LYPLAL1: variants seen among roughly 807,000 people sequenced by gnomAD.
The protein encoded by LYPLAL1 is lysophospholipase like 1, also known as lysophospholipase-like protein 1.
In LYPLAL1, 23 loss-of-function variants were observed where a neutral mutation model predicts 19.7. The ratio of observed to expected loss-of-function variants is 1.17; its 90% CI spans 0.84 to 1.65. The LOEUF (loss-of-function observed/expected upper bound fraction) is 1.65. LYPLAL1 is among the 40% of genes most tolerant of loss of function. The pLI, the probability that LYPLAL1 is intolerant of heterozygous loss-of-function variation, is 0.00. For missense variants in LYPLAL1, 355 were observed against 279.4 expected (o/e 1.27, Z -1.93); for synonymous variants, 119 against 96.3 (o/e 1.24, Z -1.38).
chr1:219,232,701 C>A, the LYPLAL1 span, among the ~76,000 whole-genome samples: 1 of 152,004 alleles, frequency 6.6e-6, no homozygotes, highest in Non-Finnish European at 1.5e-5. Flanking sequence ...AAACAAATAA[C>A]CCAGTTAAAC....
At chr1:219,231,751 C>G in the LYPLAL1 span, among the ~76,000 whole-genome samples, 2 of 152,166 alleles carry the variant, frequency 1.3e-5, no homozygotes, top group Non-Finnish European at 2.9e-5. Context: ...CCCTGTAGAC[C>G]GTCTGCCATG....
the LYPLAL1 span, among the ~76,000 whole-genome samples, chr1:219,283,504 T>C: frequency 1.2e-4 from 19 of 152,158 alleles, no homozygotes; most frequent in African/African-American, 4.6e-4. Flanking sequence ...AGTGGAAAAA[T>C]CTATTTTTCC....
chr1:219,193,143 A>T lies in LYPLAL1; in HGVS notation c.253A>T (p.Asn85Tyr). 1 of 1,610,172 alleles carries T rather than the reference A, an allele frequency of 6.2e-7. No homozygotes were observed. Among genetic ancestry groups the T allele is most frequent in the Non-Finnish European group, 8.5e-7 (1 of 1,177,552 alleles). The stretch of plus-strand genomic sequence containing the variant: ...ATGGTTTGACAGATTTAAAATAACC[A>T]ATGACTGCCCAGAACACCTTGAATC... ...NVWFDRFKIT[N>Y]DCPEHLESID... Residue 85 changes from asparagine to tyrosine, a missense_variant, in exon 3 of 5, where the codon AAT becomes TAT. Coordinates refer to ENST00000366928, the MANE Select transcript of LYPLAL1 (RefSeq NM_138794.5).
the LYPLAL1 span, among the ~76,000 whole-genome samples, chr1:219,282,508 C>CAAAA: frequency 0.011 from 1,558 of 138,276 alleles, 27 homozygotes; most frequent in African/African-American, 0.04. Context: ...CAATGAATGA[C>CAAAA]AAAAAAAAAA....
intron 3 of LYPLAL1, chr1:219,200,438 C>A: frequency 6.0e-6 from 1 of 166,730 alleles, no homozygotes. Flanking sequence ...AGTTCATCAA[C>A]TGGCATTCCA....
At chr1:219,403,960 T>C in the LYPLAL1 span, among the ~76,000 whole-genome samples, 1 of 152,150 alleles carries the variant, frequency 6.6e-6, no homozygotes, top group Non-Finnish European at 1.5e-5. Flanking sequence ...GTTCTAAGGA[T>C]AGAAGTTCAA....
the LYPLAL1 span, among the ~76,000 whole-genome samples, chr1:219,292,545 A>G: frequency 7.9e-5 from 12 of 152,170 alleles, no homozygotes; most frequent in Admixed American, 3.9e-4. Context: ...CTTCTGTCAG[A>G]GTCCCAAACC....
the LYPLAL1 span, among the ~76,000 whole-genome samples, chr1:219,245,534 A>T: frequency 6.6e-6 from 1 of 152,184 alleles, no homozygotes; most frequent in South Asian, 2.1e-4. Flanking sequence ...GTGAACTTAC[A>T]TTTAACTGCA....
chr1:219,310,532 G>C, the LYPLAL1 span, among the ~76,000 whole-genome samples: 3 of 152,124 alleles, frequency 2.0e-5, no homozygotes, highest in African/African-American at 7.2e-5. Context: ...AAATGGGAAC[G>C]CTTTGAGGAT....
chr1:219,233,651 C>T, the LYPLAL1 span, among the ~76,000 whole-genome samples: 2 of 151,874 alleles, frequency 1.3e-5, no homozygotes, highest in African/African-American at 4.8e-5. Flanking sequence ...AGCCTGTAGT[C>T]CCAGCTAGTT....
At chr1:219,410,898 C>T in the LYPLAL1 span, among the ~76,000 whole-genome samples, 2 of 152,246 alleles carry the variant, frequency 1.3e-5, no homozygotes, top group East Asian at 1.9e-4. Flanking sequence ...CGGGGCAGGG[C>T]TCGGGACCTG....
chr1:219,281,160 A>G, the LYPLAL1 span, among the ~76,000 whole-genome samples: 44 of 152,338 alleles, frequency 2.9e-4, no homozygotes, highest in East Asian at 7.7e-3. Context: ...CCTGATTAGG[A>G]TGGGCTTGGC....
the LYPLAL1 span, among the ~76,000 whole-genome samples, chr1:219,251,632 C>G: frequency 1.4e-3 from 219 of 151,710 alleles, no homozygotes; most frequent in Non-Finnish European, 2.6e-3. Context: ...GTTTCATTGG[C>G]CTGTGTGCCT....
At chr1:219,269,008 T>C in the LYPLAL1 span, among the ~76,000 whole-genome samples, 3 of 152,244 alleles carry the variant, frequency 2.0e-5, no homozygotes, top group African/African-American at 7.2e-5. Flanking sequence ...CTGTGGCTGA[T>C]TGTCAAAGGT....
chr1:219,225,103 A>G, the LYPLAL1 span, among the ~76,000 whole-genome samples: 25 of 151,978 alleles, frequency 1.6e-4, no homozygotes, highest in Non-Finnish European at 3.2e-4. Flanking sequence ...TGCTATTTCT[A>G]TGGCTTCAGA....
chr1:219,292,393 TG>T, the LYPLAL1 span, among the ~76,000 whole-genome samples: 1 of 152,210 alleles, frequency 6.6e-6, no homozygotes, highest in Non-Finnish European at 1.5e-5. Context: ...AAATAGGAAT[TG>T]CTGAGTCCTG....
intron 2 of LYPLAL1, among the ~76,000 whole-genome samples, chr1:219,182,630 C>A (rs1656387969): frequency 6.6e-6 from 1 of 152,054 alleles, no homozygotes; most frequent in South Asian, 2.1e-4. Context: ...ATCAAGGTTT[C>A]ATGCTTTAAC....
the LYPLAL1 span, among the ~76,000 whole-genome samples, chr1:219,401,952 T>G: frequency 6.6e-6 from 1 of 152,148 alleles, no homozygotes; most frequent in South Asian, 2.1e-4. Flanking sequence ...ATAAGGAAAA[T>G]CTTACATGAT....
chr1:219,357,288 A>C, the LYPLAL1 span, among the ~76,000 whole-genome samples: 1 of 152,244 alleles, frequency 6.6e-6, no homozygotes, highest in African/African-American at 2.4e-5. Context: ...GGCTTAAGAC[A>C]AACGTTGTAC....
Sources: gnomAD v4.1 joint callset for allele counts (sites outside exome capture counted in the v4.1 genomes callset) on GRCh38, gnomAD v4.1.1 for gene constraint, MANE v1.5 for transcripts, NCBI Gene and HGNC (gene_info 2026-07-23, HGNC 2026-07-21) for gene names.